NXN: variants seen among roughly 807,000 people sequenced by gnomAD.
NXN encodes the protein nucleoredoxin 1.
NXN carries 16 observed loss-of-function variants against 48.6 expected under a neutral mutation model. That is an observed-to-expected ratio of 0.33 (90% confidence interval 0.22 to 0.50). NXN has a LOEUF of 0.50. NXN is among the 20% of genes least tolerant of loss of function. The probability of loss-of-function intolerance (pLI) is 0.98; values close to 1 mark genes in which losing one functional copy is unlikely to be tolerated. For synonymous variants in NXN, 281 were observed against 269.6 expected, an observed-to-expected ratio of 1.04 and a Z score of -0.41; for missense variants, 492 against 605.5, an observed-to-expected ratio of 0.81 and a Z score of 1.97.
Position 835,136 on chromosome 17 carries a change from G to A in NXN, c.361-9058C>T, listed in dbSNP as rs528461663. On this transcript the variant is annotated intron_variant, in intron 1 of 7. Transcript: ENST00000336868. ...ATCCTGGCTAACATGGTGAAACCCT[G>A]TCTCTACTAAAAATACAAAAAATTA... Among the ~76,000 whole-genome samples the A allele has an allele frequency of 3.8e-3, 577 of 151,454 alleles. 1 individual carries two copies. Among genetic ancestry groups the A allele is most frequent in the African/African-American group, 7.3e-3 (302 of 41,366 alleles).
chr17:853,316 C>T (rs753505520), intron 1 of NXN, among the ~76,000 whole-genome samples: 10 of 151,856 alleles, frequency 6.6e-5, no homozygotes, highest in Non-Finnish European at 8.8e-5. Flanking sequence ...TGGTGGTGCA[C>T]GCACGCCTGT....
intron 1 of NXN, among the ~76,000 whole-genome samples, chr17:975,739 G>A (rs954728128): frequency 6.6e-6 from 1 of 152,172 alleles, no homozygotes; most frequent in East Asian, 1.9e-4. Flanking sequence ...TGAGCTCTGC[G>A]ACTTTAACAC....
chr17:881,741 T>C (rs1383601708), intron 1 of NXN, among the ~76,000 whole-genome samples: 1 of 152,168 alleles, frequency 6.6e-6, no homozygotes, highest in Non-Finnish European at 1.5e-5. Flanking sequence ...ATGGATACAC[T>C]GTGACAAGAT....
rs553628115 is a variant in NXN, at chr17:917,955, G to A, written c.360+61364C>T. Among the ~76,000 whole-genome samples the A allele has an allele frequency of 7.9e-5, 12 of 152,314 alleles. No individual in the cohort carries two copies. The South Asian group carries it at 2.5e-3, about 32-fold the overall frequency. On this transcript the variant is annotated intron_variant, in intron 1 of 7. Transcript: ENST00000336868. The surrounding 1 kb of genome is among the most constrained non-coding windows in gnomAD (Gnocchi z 4.5). ...TGGATAATAATAAAATGTTTACTGA[G>A]CTCGTACTTTATGGAAGACACATGG...
chr17:821,706 G>A (rs192985430), intron 4 of NXN, among the ~76,000 whole-genome samples: 3 of 137,482 alleles, frequency 2.2e-5, no homozygotes, highest in African/African-American at 5.7e-5. Context: ...AGCCAAGATC[G>A]CACCACTGCA....
chr17:836,068 C>A (rs1206447896), intron 1 of NXN, among the ~76,000 whole-genome samples: 1 of 61,088 alleles, frequency 1.6e-5, no homozygotes, highest in Non-Finnish European at 3.2e-5. Flanking sequence ...TCAGCCCCCA[C>A]AGAGGCCGCG....
In NXN at chr17:958,826, G is replaced by T. The variant is rs34358932; in HGVS notation, c.360+20493C>A. On this transcript the variant is annotated intron_variant, in intron 1 of 7. Transcript: ENST00000336868. The surrounding 1 kb of genome is among the most constrained non-coding windows in gnomAD (Gnocchi z 6.9). Reference sequence around the variant, plus strand: ...GAGCTCCTGTAGTCTCAGCTTCTCAGGGGGCTGAGGTGGGAGGATCGCTTG... The same window carrying T: ...GAGCTCCTGTAGTCTCAGCTTCTCATGGGGCTGAGGTGGGAGGATCGCTTG... 6.6e-6 allele frequency among the ~76,000 whole-genome samples: 1 copy of T among 152,124 alleles called. No homozygotes were observed. Among genetic ancestry groups the T allele is most frequent in the Non-Finnish European group, 1.5e-5 (1 of 68,030 alleles).
At chr17:841,289 G>A (rs73975565) in intron 1 of NXN, among the ~76,000 whole-genome samples, 15,298 of 152,246 alleles carry the variant, frequency 0.1, 1,719 homozygotes, top group East Asian at 0.38. Flanking sequence ...CTGCAGGGGC[G>A]TCAAAGAGGC....
At chr17:879,484 A>T (rs1205914203) in intron 1 of NXN, among the ~76,000 whole-genome samples, 1 of 151,830 alleles carries the variant, frequency 6.6e-6, no homozygotes, top group Non-Finnish European at 1.5e-5. Context: ...ACGGGGTCTC[A>T]CCAAGTTGGC....
intron 1 of NXN, among the ~76,000 whole-genome samples, chr17:868,908 G>C (rs1054262785): frequency 1.3e-5 from 2 of 152,226 alleles, no homozygotes; most frequent in African/African-American, 4.8e-5. Flanking sequence ...AAAATGTCCA[G>C]ATGCACAAAA....
chr17:890,540 A>G (rs655996), intron 1 of NXN, among the ~76,000 whole-genome samples: 15,561 of 135,420 alleles, frequency 0.11, 1,062 homozygotes, highest in South Asian at 0.26. Flanking sequence ...ACGCCCGGCT[A>G]ATTTTTTGTA....
At chr17:863,916 TCATA>T in intron 1 of NXN, 4 of 1,469,726 alleles carry the variant, frequency 2.7e-6, no homozygotes, top group Non-Finnish European at 3.7e-6. Context: ...TATGTCAGGC[TCATA>T]CAGTGTGTTC....
chr17:851,865 C>T (rs771553963), intron 1 of NXN, among the ~76,000 whole-genome samples: 3 of 152,230 alleles, frequency 2.0e-5, no homozygotes, highest in Non-Finnish European at 2.9e-5. Context: ...GCGTTGCCTG[C>T]GGAAAGCGGA....
At chr17:809,908 C>G (rs73285781) in intron 5 of NXN, among the ~76,000 whole-genome samples, 21,370 of 107,764 alleles carry the variant, frequency 0.2, 3,267 homozygotes, top group East Asian at 0.33. Context: ...CCTGTGAGTG[C>G]CGTGCACGTT....
At chr17:810,578 C>G (rs1911927941) in intron 5 of NXN, among the ~76,000 whole-genome samples, 1 of 152,128 alleles carries the variant, frequency 6.6e-6, no homozygotes, top group African/African-American at 2.4e-5. Flanking sequence ...TCCCCCAAAA[C>G]ACTCCCCTGC....
At chr17:861,190 G>C (rs1386132297) in intron 1 of NXN, among the ~76,000 whole-genome samples, 1 of 152,170 alleles carries the variant, frequency 6.6e-6, no homozygotes, top group Non-Finnish European at 1.5e-5. Flanking sequence ...CTGGAATGCA[G>C]TGGCACCATC....
intron 1 of NXN, among the ~76,000 whole-genome samples, chr17:922,399 G>A (rs746704142): frequency 1.3e-4 from 19 of 151,940 alleles, no homozygotes; most frequent in Non-Finnish European, 1.9e-4. Context: ...AGCCAAGATC[G>A]TGCCACTGCA....
At chr17:875,155 T>C (rs1057015651) in intron 1 of NXN, among the ~76,000 whole-genome samples, 1 of 151,956 alleles carries the variant, frequency 6.6e-6, no homozygotes, top group African/African-American at 2.4e-5. Flanking sequence ...CCTCGGCCTC[T>C]GGGGTAGCTG....
At chr17:900,051 A>T (rs546127842) in intron 1 of NXN, among the ~76,000 whole-genome samples, 205 of 152,304 alleles carry the variant, frequency 1.3e-3, no homozygotes, top group South Asian at 2.1e-3. Flanking sequence ...GGATCTCCTG[A>T]GGTCAGGAGT....
Sources: gnomAD v4.1 joint callset for allele counts (sites outside exome capture counted in the v4.1 genomes callset) on GRCh38, gnomAD v4.1.1 for gene constraint, Gnocchi (gnomAD v3.1) non-coding constraint, MANE v1.5 for transcripts, NCBI Gene and HGNC (gene_info 2026-07-23, HGNC 2026-07-21) for gene names.